The following NEDD4L variants were observed in gnomAD, a reference collection of about 807,000 sequenced individuals.
NEDD4L encodes the protein E3 ubiquitin-protein ligase NEDD4-like.
In NEDD4L, 54 loss-of-function variants were observed where a neutral mutation model predicts 148.9. That is an observed-to-expected ratio of 0.36 (90% CI 0.29 to 0.45). NEDD4L has a LOEUF of 0.45. Ranked by LOEUF, NEDD4L falls within the 20% of genes least tolerant of loss-of-function variation. The pLI is 1.00. For synonymous variants in NEDD4L, 433 were observed against 440.7 expected, an observed-to-expected ratio of 0.98 and a Z score of 0.22; for missense variants, 856 against 1,233.8, an observed-to-expected ratio of 0.69 and a Z score of 4.59.
chr18:58,285,449 C>G (rs2053755881), intron 5 of NEDD4L, among the ~76,000 whole-genome samples: 1 of 152,148 alleles, frequency 6.6e-6, no homozygotes, highest in Non-Finnish European at 1.5e-5. Context: ...CTGCCTTAGC[C>G]TCCCCAGTAG....
rs2082795465 is a variant in NEDD4L, at chr18:58,070,222, C to G, written c.48+25514C>G. On this transcript the variant is annotated intron_variant, in intron 1 of 30. Coordinates refer to ENST00000400345, the MANE Select transcript of NEDD4L (RefSeq NM_001144967.3). ...TCTGAGGTGGTGTTGCTAATTGAGG[C>G]CAAGTGGCTGACCAAAAAATTTTTT... Among the ~76,000 whole-genome samples the G allele has an allele frequency of 2.0e-5, 3 of 151,922 alleles. 1 individual carries two copies. In the South Asian group the frequency reaches 6.3e-4, roughly 32 times the overall value.
intron 1 of NEDD4L, among the ~76,000 whole-genome samples, chr18:58,162,720 G>T (rs551627548): frequency 1.3e-5 from 2 of 151,698 alleles, no homozygotes; most frequent in South Asian, 4.2e-4. Flanking sequence ...AATACTTGTG[G>T]AATAAAGAAA....
chr18:58,313,746 A>G (rs1601090450), intron 5 of NEDD4L, among the ~76,000 whole-genome samples: 1 of 152,256 alleles, frequency 6.6e-6, no homozygotes, highest in African/African-American at 2.4e-5. Flanking sequence ...GCTGCCAGCC[A>G]TTAGTACTGG....
At chr18:58,073,871 G>C (rs141817955) in intron 1 of NEDD4L, among the ~76,000 whole-genome samples, 1 of 152,280 alleles carries the variant, frequency 6.6e-6, no homozygotes, top group Admixed American at 6.5e-5. Context: ...TCAATAAAAC[G>C]TATTTAAAAA....
At chr18:58,097,832 G>T (rs1160073729) in intron 1 of NEDD4L, among the ~76,000 whole-genome samples, 1 of 152,126 alleles carries the variant, frequency 6.6e-6, no homozygotes, top group Non-Finnish European at 1.5e-5. Flanking sequence ...AGGAGTTCAA[G>T]ACCAGCCTGG....
At chr18:58,247,493 C>T (rs541161587) in intron 3 of NEDD4L, 2 of 152,230 alleles carry the variant, frequency 1.3e-5, no homozygotes, top group African/African-American at 4.8e-5. Context: ...GAGCCAGGAC[C>T]AAAGCCGGCG....
At chr18:58,390,911 T>C (rs975373802) in intron 29 of NEDD4L, among the ~76,000 whole-genome samples, 169 bp downstream of exon 29, 5 of 152,014 alleles carry the variant, frequency 3.3e-5, no homozygotes, top group African/African-American at 7.2e-5. Flanking sequence ...ATCTATACTT[T>C]ATATAGATAA....
chr18:58,229,500 C>T (rs578123974), intron 2 of NEDD4L, among the ~76,000 whole-genome samples: 7 of 152,250 alleles, frequency 4.6e-5, no homozygotes, highest in South Asian at 2.1e-4. Flanking sequence ...TGCTAATGCT[C>T]GCTGTATCCC....
At chr18:58,251,953 T>G (rs1286250016) in intron 4 of NEDD4L, 48 bp from the exon 5 acceptor site, 1 of 1,067,604 alleles carries the variant, frequency 9.4e-7, no homozygotes. Flanking sequence ...ACGTCGCTGT[T>G]CAAATGATTC....
At chr18:58,248,604 T>C (rs1164040933) in intron 3 of NEDD4L, among the ~76,000 whole-genome samples, 1 of 152,220 alleles carries the variant, frequency 6.6e-6, no homozygotes, top group African/African-American at 2.4e-5. Flanking sequence ...ATATCAATGC[T>C]AATTTCTTGA....
intron 1 of NEDD4L, among the ~76,000 whole-genome samples, chr18:58,082,142 T>A (rs1441979128): frequency 7.2e-6 from 1 of 138,284 alleles, no homozygotes; most frequent in African/African-American, 2.8e-5. Flanking sequence ...AGTCTTGCTC[T>A]TGTCGCCCAG....
At chr18:58,209,504 C>T (rs1188037260) in intron 2 of NEDD4L, among the ~76,000 whole-genome samples, 1 of 75,604 alleles carries the variant, frequency 1.3e-5, no homozygotes, top group Non-Finnish European at 2.7e-5. Context: ...CTTAGAATGC[C>T]AACAACTAGC....
At chr18:58,344,202 G>A (rs1427645904) in intron 16 of NEDD4L, among the ~76,000 whole-genome samples, 1 of 152,190 alleles carries the variant, frequency 6.6e-6, no homozygotes, top group Admixed American at 6.5e-5. Flanking sequence ...TTATATTCAA[G>A]AACAAGCCCT....
At chr18:58,330,398 G>C (rs751122819) in intron 10 of NEDD4L, among the ~76,000 whole-genome samples, 3 of 152,168 alleles carry the variant, frequency 2.0e-5, no homozygotes, top group Non-Finnish European at 4.4e-5. Flanking sequence ...ATAGTAACAA[G>C]TGCTGGAAAT....
intron 1 of NEDD4L, among the ~76,000 whole-genome samples, chr18:58,082,643 A>T (rs1178751376): frequency 6.6e-6 from 1 of 151,640 alleles, no homozygotes; most frequent in Non-Finnish European, 1.5e-5. Flanking sequence ...ATGGTGGTGC[A>T]TACATGTAGT....
chr18:58,135,449 C>T (rs1302819289), intron 1 of NEDD4L, among the ~76,000 whole-genome samples: 1 of 152,190 alleles, frequency 6.6e-6, no homozygotes, highest in African/African-American at 2.4e-5. Context: ...TTTGTGATGG[C>T]TCCCATATGT....
intron 1 of NEDD4L, among the ~76,000 whole-genome samples, chr18:58,137,854 T>C (rs2033023621): frequency 6.6e-6 from 1 of 152,258 alleles, no homozygotes; most frequent in Admixed American, 6.5e-5. Context: ...ACCATTACTT[T>C]TCCTGCCCAG....
At chr18:58,323,887 G>A (rs1347506611) in intron 8 of NEDD4L, among the ~76,000 whole-genome samples, 4 of 152,076 alleles carry the variant, frequency 2.6e-5, no homozygotes, top group Admixed American at 6.5e-5. Context: ...GGGTCCTATC[G>A]TACCTTTTCA....
At chr18:58,192,718 A>C (rs1293497160) in intron 2 of NEDD4L, among the ~76,000 whole-genome samples, 1 of 149,900 alleles carries the variant, frequency 6.7e-6, no homozygotes, top group African/African-American at 2.5e-5. Flanking sequence ...AGGGGAGTTC[A>C]GCAACCATCT....
Sources: allele counts gnomAD v4.1 joint callset (sites outside exome capture counted in the v4.1 genomes callset), GRCh38; gene constraint gnomAD v4.1.1; transcripts MANE v1.5; gene names NCBI Gene and HGNC (gene_info 2026-07-23, HGNC 2026-07-21).